Variants in NDUFAF7 observed in about 807,000 individuals in gnomAD.
NDUFAF7 encodes the protein protein arginine methyltransferase NDUFAF7, mitochondrial.
A neutral mutation model predicts 47.2 loss-of-function variants in NDUFAF7; 48 were observed. That is an observed-to-expected ratio of 1.02 (90% CI 0.81 to 1.29). The LOEUF is 1.29. Ranked by LOEUF, NDUFAF7 falls within the 50% of genes most tolerant of loss-of-function variation. The pLI, the probability that NDUFAF7 is intolerant of heterozygous loss-of-function variation, is 0.00. For missense variants in NDUFAF7, 635 were observed against 537.6 expected, an observed-to-expected ratio of 1.18 and a Z score of -1.79; for synonymous variants, 217 against 190.0, an observed-to-expected ratio of 1.14 and a Z score of -1.17.
intron 3 of NDUFAF7, 52 bp downstream of exon 3, chr2:37,236,228 G>T: frequency 7.1e-7 from 1 of 1,402,068 alleles, no homozygotes; most frequent in Non-Finnish European, 1.0e-6. Flanking sequence ...TTTGAGAGCA[G>T]ATCAAATTGT....
chr2:37,252,359 G>A (rs1251700066), downstream of NDUFAF7: 1 of 152,204 alleles, frequency 6.6e-6, no homozygotes, highest in Non-Finnish European at 1.5e-5. Context: ...GATGGTGTCA[G>A]TCAGAACATG....
chr2:37,247,455 G>C lies in NDUFAF7; in HGVS notation c.937-1G>C. ...AAAAATCTGATTTCTTTATGTTCAAGGGGTTTTGCGACCACAAGCTTCATG... is the reference window on the plus strand; with the variant it reads ...AAAAATCTGATTTCTTTATGTTCAACGGGTTTTGCGACCACAAGCTTCATG... On this transcript the variant is annotated splice_acceptor_variant, in intron 8 of 9. Coordinates refer to ENST00000002125, the MANE Select transcript of NDUFAF7 (RefSeq NM_144736.5). LOFTEE classifies it high-confidence loss of function. The C allele has an allele frequency of 6.2e-7, 1 of 1,613,878 alleles. No homozygotes were observed. Among genetic ancestry groups the C allele is most frequent in the Non-Finnish European group, 8.5e-7 (1 of 1,179,900 alleles).
the NDUFAF7 span, among the ~76,000 whole-genome samples, chr2:37,258,819 C>G: frequency 2.6e-5 from 4 of 152,146 alleles, no homozygotes; most frequent in South Asian, 6.2e-4. Context: ...AAACACCTAT[C>G]TGTTGTCCTT....
At chr2:37,244,506 A>C (rs898241088) in intron 7 of NDUFAF7, among the ~76,000 whole-genome samples, 1 of 152,146 alleles carries the variant, frequency 6.6e-6, no homozygotes, top group Non-Finnish European at 1.5e-5. Flanking sequence ...TAGAATTACT[A>C]CTGCTTTCTG....
the NDUFAF7 span, among the ~76,000 whole-genome samples, chr2:37,266,953 T>G: frequency 6.6e-6 from 1 of 152,238 alleles, no homozygotes; most frequent in Non-Finnish European, 1.5e-5. Flanking sequence ...AAATGCTAGA[T>G]GAAAAACACA....
At position 37,236,264 on chromosome 2, in the gene NDUFAF7, C is replaced by CT. The variant is rs1223723858; in HGVS notation, c.297+95dup. The CT allele has an allele frequency of 9.4e-6, 11 of 1,169,270 alleles. No individual in the cohort carries two copies. In the East Asian group the frequency reaches 1.7e-4, roughly 18 times the overall value. The allele number at this position is 1,169,270 out of a possible 1,614,324, so 72.4% of individuals were successfully genotyped here. ...ATTATTCTGTAGTAGTGTTCTACAGCTTTTTTTGTGATTCATCAAAAGTTT... is the reference window on the plus strand; with the variant it reads ...ATTATTCTGTAGTAGTGTTCTACAGCTTTTTTTTGTGATTCATCAAAAGTTT... On this transcript the variant is annotated intron_variant, in intron 3 of 9. Transcript: ENST00000002125.
chr2:37,243,367 A>C (rs7579990), intron 6 of NDUFAF7, among the ~76,000 whole-genome samples: 2 of 151,950 alleles, frequency 1.3e-5, no homozygotes, highest in Admixed American at 6.5e-5. Context: ...CATGAGAATC[A>C]CTTGAACCCA....
At position 37,248,639 on chromosome 2, in the gene NDUFAF7, G is replaced by A. The variant is rs1248975697; in HGVS notation, c.*289G>A. 2 of 382,760 alleles carry A rather than the reference G, an allele frequency of 5.2e-6. No homozygotes were observed. Among genetic ancestry groups the A allele is most frequent in the South Asian group, 4.3e-5 (2 of 46,028 alleles). The allele number at this position is 382,760 out of a possible 1,614,324, so 23.7% of individuals were successfully genotyped here. ...TTTTAAAAAGTAAACATGCGGCTGG[G>A]CGTGGTGGCTCATGCCTGTAATCCC... On this transcript the variant is annotated 3_prime_UTR_variant, in exon 10 of 10. Coordinates refer to ENST00000002125, the MANE Select transcript of NDUFAF7 (RefSeq NM_144736.5).
intron 6 of NDUFAF7, among the ~76,000 whole-genome samples, chr2:37,243,523 T>C (rs2430493): frequency 6.6e-6 from 1 of 152,200 alleles, no homozygotes; most frequent in Non-Finnish European, 1.5e-5. Context: ...AATGTATATG[T>C]ACTGGTAATT....
At position 37,247,598 on chromosome 2, in the gene NDUFAF7, TA is replaced by T; in HGVS notation, c.1085del (p.Asn362IlefsTer8). ...SLGPIKQHTFLKNMGIDVRLK... is the reference protein window; with the variant it reads ...SLGPIKQHTFXKNMGIDVRLK... Reference sequence around the variant, plus strand: ...GGCCCAATAAAACAACACACATTTTTAAAAAATATGGGTATTGATGTCCGGC... The same window carrying T: ...GGCCCAATAAAACAACACACATTTTTAAAAATATGGGTATTGATGTCCGGC... On this transcript the variant is annotated frameshift_variant, in exon 9 of 10. Coordinates refer to ENST00000002125, the MANE Select transcript of NDUFAF7 (RefSeq NM_144736.5). LOFTEE classifies it high-confidence loss of function. 6.2e-7 allele frequency: 1 copy of T among 1,614,022 alleles called. No homozygotes were observed. Among genetic ancestry groups the T allele is most frequent in the Non-Finnish European group, 8.5e-7 (1 of 1,179,958 alleles).
chr2:37,265,177 C>T, the NDUFAF7 span, among the ~76,000 whole-genome samples: 1 of 151,974 alleles, frequency 6.6e-6, no homozygotes, highest in African/African-American at 2.4e-5. Flanking sequence ...GTAAGAATGA[C>T]ACGGGGCAAA....
intron 7 of NDUFAF7, 99 bp downstream of exon 7, chr2:37,244,072 G>T: frequency 9.5e-7 from 1 of 1,053,170 alleles, no homozygotes; most frequent in Admixed American, 2.1e-5. Flanking sequence ...TCCTTTACAG[G>T]AAGAGTTGCT....
At chr2:37,270,461 T>G in the NDUFAF7 span, among the ~76,000 whole-genome samples, 1 of 152,040 alleles carries the variant, frequency 6.6e-6, no homozygotes, top group South Asian at 2.1e-4. Flanking sequence ...AATCCATTCC[T>G]CTATCTTTCC....
the NDUFAF7 span, among the ~76,000 whole-genome samples, chr2:37,266,863 ATTAT>A: frequency 6.6e-6 from 1 of 152,216 alleles, no homozygotes; most frequent in Non-Finnish European, 1.5e-5. Context: ...CATATTATAA[ATTAT>A]TTATATGATA....
intron 4 of NDUFAF7, among the ~76,000 whole-genome samples, chr2:37,240,421 C>A: frequency 6.6e-6 from 1 of 150,784 alleles, no homozygotes. Flanking sequence ...AACCAAAAAA[C>A]ACCAACACAT....
At chr2:37,260,459 T>G in the NDUFAF7 span, 1 of 1,311,578 alleles carries the variant, frequency 7.6e-7, no homozygotes, top group Admixed American at 2.0e-5. Flanking sequence ...TGTGCTATGA[T>G]TGTCTGAAAT....
At chr2:37,254,131 C>G, downstream of NDUFAF7, 1 of 1,099,290 alleles carries the variant, frequency 9.1e-7, no homozygotes. Context: ...TTAGAGTGGT[C>G]TCATTAGGTG....
chr2:37,255,150 GATA>G (rs1465701160), downstream of NDUFAF7, among the ~76,000 whole-genome samples: 4 of 152,312 alleles, frequency 2.6e-5, no homozygotes, highest in African/African-American at 9.6e-5. Flanking sequence ...GGAGGTCTGA[GATA>G]ACACTGGTTA....
downstream of NDUFAF7, chr2:37,251,606 CCAGAA>C (rs1185857918): frequency 6.6e-6 from 1 of 152,238 alleles, no homozygotes; most frequent in Non-Finnish European, 1.5e-5. Flanking sequence ...TGTTCATGTA[CCAGAA>C]CATTCTTTTT....
Sources: gnomAD v4.1 joint callset for allele counts (sites outside exome capture counted in the v4.1 genomes callset) on GRCh38, gnomAD v4.1.1 for gene constraint, MANE v1.5 for transcripts, NCBI Gene and HGNC (gene_info 2026-07-23, HGNC 2026-07-21) for gene names.